PTK7: variants seen among roughly 807,000 people sequenced by gnomAD.
PTK7 encodes protein tyrosine kinase 7 (inactive), also known as inactive tyrosine-protein kinase 7.
Under a neutral mutation model 116.6 loss-of-function variants are expected in PTK7, and 39 were observed. The ratio of observed to expected loss-of-function variants is 0.33; its 90% CI spans 0.26 to 0.44. The LOEUF is 0.44. PTK7 is among the 20% of genes least tolerant of loss of function. The pLI, the probability that PTK7 is intolerant of heterozygous loss-of-function variation, is 1.00. For missense variants in PTK7, 1,169 were observed against 1,425.6 expected (o/e 0.82, Z 2.90); for synonymous variants, 546 against 563.6 (o/e 0.97, Z 0.44).
chr6:43,094,093 A>C (rs992211171), intron 1 of PTK7, among the ~76,000 whole-genome samples: 1 of 152,266 alleles, frequency 6.6e-6, no homozygotes, highest in Non-Finnish European at 1.5e-5. Context: ...ACAAAGTTGC[A>C]AACGAAGACA....
Position 43,076,830 on chromosome 6 carries a change from C to G in PTK7, c.79+263C>G. ...TCCAGCCTCCCTGAGTTTTTCTGGT[C>G]TGAGCCGAGAGTTTGCTCGAGAACT... On this transcript the variant is annotated intron_variant, in intron 1 of 19. Coordinates refer to ENST00000230419, the MANE Select transcript of PTK7 (RefSeq NM_002821.5). The surrounding 1 kb of genome is among the most constrained non-coding windows in gnomAD (Gnocchi z 5.7). 1.4e-6 allele frequency: 2 copies of G among 1,426,792 alleles called. No homozygotes were observed. The highest frequency in any genetic ancestry group is 1.8e-6 in the Non-Finnish European group (2 of 1,086,594). The allele number at this position is 1,426,792 out of a possible 1,614,324, so 88.4% of individuals were successfully genotyped here. A position where few individuals can be genotyped will look rare whatever the true frequency, so the allele number is the denominator to read the frequency against.
intron 1 of PTK7, among the ~76,000 whole-genome samples, chr6:43,079,878 A>G (rs191416945): frequency 1.3e-3 from 196 of 146,440 alleles, no homozygotes; most frequent in African/African-American, 4.7e-3. Context: ...TGGCAACACA[A>G]TGAGACCTCC....
At chr6:43,131,168 C>T (rs1230754234) in intron 5 of PTK7, among the ~76,000 whole-genome samples, 1 of 152,026 alleles carries the variant, frequency 6.6e-6, no homozygotes, top group Non-Finnish European at 1.5e-5. Context: ...CATAGAACAC[C>T]TTTGCAGTGT....
intron 13 of PTK7, chr6:43,142,524 G>C (rs532898609): frequency 2.5e-4 from 174 of 698,158 alleles, no homozygotes; most frequent in African/African-American, 2.3e-3. Flanking sequence ...TGTGTGTTGT[G>C]GGGGAGTGGG....
intron 15 of PTK7, 185 bp downstream of exon 15, chr6:43,144,791 T>G (rs1265390275): frequency 6.4e-6 from 4 of 622,014 alleles, no homozygotes; most frequent in East Asian, 5.7e-5. Context: ...TCGTGCAGAT[T>G]TTGTCATTCC....
At chr6:43,118,657 C>CTATATA (rs1374096197) in intron 1 of PTK7, among the ~76,000 whole-genome samples, 1 of 61,054 alleles carries the variant, frequency 1.6e-5, no homozygotes, top group Non-Finnish European at 3.0e-5. Flanking sequence ...CTCTCTCTCT[C>CTATATA]TCTATATATA....
chr6:43,122,261 G>A (rs1041992269), intron 1 of PTK7, among the ~76,000 whole-genome samples: 3 of 152,220 alleles, frequency 2.0e-5, no homozygotes, highest in African/African-American at 4.8e-5. Context: ...GGCCCTGGGG[G>A]AGGATTAGGT....
At position 43,130,389 on chromosome 6, in the gene PTK7, C is replaced by T. The variant is rs893030917; in HGVS notation, c.630C>T (p.Cys210=). Residue 210 remains cysteine (C), a synonymous_variant, in exon 4 of 20, where the codon TGC becomes TGT. Coordinates refer to ENST00000230419, the MANE Select transcript of PTK7 (RefSeq NM_002821.5). ...CCAHSAFGQA[C]SSQNFTLSIA... is the part of the protein sequence containing the mutation. ...CCCACAGTGCTTTTGGCCAGGCTTG[C>T]AGCAGCCAGAACTTCACCTTGAGCA... The T allele has an allele frequency of 4.4e-6, 7 of 1,608,880 alleles. No individual in the cohort carries two copies. The highest frequency in any genetic ancestry group is 1.3e-5 in the African/African-American group (1 of 74,878).
intron 1 of PTK7, among the ~76,000 whole-genome samples, chr6:43,082,494 A>G (rs1766435154): frequency 6.6e-6 from 1 of 152,144 alleles, no homozygotes; most frequent in African/African-American, 2.4e-5. Context: ...CATTTTAACA[A>G]GATGCTCAGG....
intron 1 of PTK7, among the ~76,000 whole-genome samples, chr6:43,091,225 A>T (rs1317717122): frequency 7.1e-6 from 1 of 140,670 alleles, no homozygotes; most frequent in Non-Finnish European, 1.5e-5. Context: ...CAGTGACGTG[A>T]TCTTGGCTCA....
chr6:43,076,617 C>G lies in PTK7; in HGVS notation c.79+50C>G. On this transcript the variant is annotated intron_variant, in intron 1 of 19. Transcript: ENST00000230419. This position sits in a 1 kb window ranked among gnomAD's most constrained non-coding sequence, Gnocchi z 5.7. Reference sequence around the variant, plus strand: ...CAGAGCTTGGGAAGCGCGGGAGTCCCGTGGGCAAAAGGCTGCGCCCGGGGC... The same window carrying G: ...CAGAGCTTGGGAAGCGCGGGAGTCCGGTGGGCAAAAGGCTGCGCCCGGGGC... The G allele has an allele frequency of 1.3e-6, 2 of 1,533,292 alleles. No homozygotes were observed. Among genetic ancestry groups the G allele is most frequent in the Non-Finnish European group, 8.8e-7 (1 of 1,142,378 alleles). The allele number at this position is 1,533,292 out of a possible 1,614,324, so 95.0% of individuals were successfully genotyped here.
Position 43,145,141 on chromosome 6 carries a change from G to C in PTK7, c.2408-59G>C. On this transcript the variant is annotated intron_variant, in intron 15 of 19. Transcript: ENST00000230419. This position sits in a 1 kb window ranked among gnomAD's most constrained non-coding sequence, Gnocchi z 4.8. ...TGGGAGAGGCTAGGCCCCTCCCCCAGGTCAGGAGCTGCCTCGGCCTGGGTG... is the reference window on the plus strand; with the variant it reads ...TGGGAGAGGCTAGGCCCCTCCCCCACGTCAGGAGCTGCCTCGGCCTGGGTG... 2 of 1,492,800 alleles carry C rather than the reference G, an allele frequency of 1.3e-6. No homozygotes were observed. The highest frequency in any genetic ancestry group is 2.6e-5 in the South Asian group (2 of 77,570). 92.5% of individuals were successfully genotyped at this position (1,492,800 alleles called of 1,614,324 possible). A position where few individuals can be genotyped will look rare whatever the true frequency, so the allele number is the denominator to read the frequency against.
chr6:43,104,725 G>A (rs1386517317), intron 1 of PTK7, among the ~76,000 whole-genome samples: 1 of 151,506 alleles, frequency 6.6e-6, no homozygotes, highest in Non-Finnish European at 1.5e-5. Flanking sequence ...TCCATGCCCA[G>A]CCACAAAGTA....
At chr6:43,150,470 T>C (rs1253407509) in intron 17 of PTK7, among the ~76,000 whole-genome samples, 1 of 152,184 alleles carries the variant, frequency 6.6e-6, no homozygotes, top group Non-Finnish European at 1.5e-5. Flanking sequence ...TCTGGAAAGA[T>C]AGCAAGTCAG....
At chr6:43,100,583 C>A (rs1767519987) in intron 1 of PTK7, among the ~76,000 whole-genome samples, 1 of 151,884 alleles carries the variant, frequency 6.6e-6, no homozygotes, top group Non-Finnish European at 1.5e-5. Context: ...GGGAATACAG[C>A]TGAAGTTCCC....
chr6:43,151,084 G>A (rs1477477625), intron 17 of PTK7, among the ~76,000 whole-genome samples: 1 of 152,010 alleles, frequency 6.6e-6, no homozygotes, highest in Non-Finnish European at 1.5e-5. Context: ...GTCTCCCAGA[G>A]TGCTGGGAAT....
At chr6:43,095,004 A>G (rs1265350393) in intron 1 of PTK7, among the ~76,000 whole-genome samples, 1 of 151,444 alleles carries the variant, frequency 6.6e-6, no homozygotes, top group Non-Finnish European at 1.5e-5. Context: ...AAATCATGCC[A>G]CTGCGCTCCA....
At chr6:43,157,364 A>ATATATATATTT (rs70990168) in intron 17 of PTK7, among the ~76,000 whole-genome samples, 2 of 54,364 alleles carry the variant, frequency 3.7e-5, no homozygotes, top group Non-Finnish European at 3.3e-5. Flanking sequence ...ATATATATAT[A>ATATATATATTT]TTTTTTTTTT....
At chr6:43,140,226 A>G (rs1770313428) in intron 10 of PTK7, among the ~76,000 whole-genome samples, 1 of 152,168 alleles carries the variant, frequency 6.6e-6, no homozygotes, top group South Asian at 2.1e-4. Context: ...AGGTGGGTGG[A>G]TCACGAGGTC....
Sources: allele counts gnomAD v4.1 joint callset (sites outside exome capture counted in the v4.1 genomes callset), GRCh38; gene constraint gnomAD v4.1.1; non-coding constraint Gnocchi (gnomAD v3.1); transcripts MANE v1.5; gene names NCBI Gene and HGNC (gene_info 2026-07-23, HGNC 2026-07-21).